Variants in KAZN observed in about 807,000 individuals in gnomAD.
The protein encoded by KAZN is kazrin.
Under a neutral mutation model 87.4 loss-of-function variants are expected in KAZN, and 40 were observed. The ratio of observed to expected loss-of-function variants is 0.46; its 90% CI spans 0.36 to 0.60. The LOEUF (loss-of-function observed/expected upper bound fraction) is 0.60. KAZN is among the 20% of genes least tolerant of loss of function. The probability of loss-of-function intolerance (pLI) is 0.00; values close to 1 mark genes in which losing one functional copy is unlikely to be tolerated. For synonymous variants in KAZN, 466 were observed against 458.3 expected, an observed-to-expected ratio of 1.02 and a Z score of -0.22; for missense variants, 898 against 1,073.9, an observed-to-expected ratio of 0.84 and a Z score of 2.29.
intron 1 of KAZN, among the ~76,000 whole-genome samples, chr1:13,951,970 A>G (rs1195480584): frequency 6.6e-6 from 1 of 152,192 alleles, no homozygotes; most frequent in African/African-American, 2.4e-5. Flanking sequence ...ACAGTTTCCC[A>G]GGGAAATCTT....
At chr1:14,707,705 G>A (rs139137563) in intron 1 of KAZN, among the ~76,000 whole-genome samples, 167 of 152,226 alleles carry the variant, frequency 1.1e-3, no homozygotes, top group African/African-American at 3.8e-3. Flanking sequence ...TTTGTTTGTC[G>A]TGTCAGTCAT....
intron 2 of KAZN, among the ~76,000 whole-genome samples, chr1:14,422,108 C>A (rs1030990617): frequency 2.0e-5 from 3 of 152,204 alleles, no homozygotes; most frequent in African/African-American, 7.2e-5. Flanking sequence ...GGAGCCTGGT[C>A]AGCCAATGTG....
chr1:14,314,423 C>T (rs1279097822), intron 2 of KAZN, among the ~76,000 whole-genome samples: 3 of 152,176 alleles, frequency 2.0e-5, no homozygotes, highest in Non-Finnish European at 4.4e-5. Flanking sequence ...TCATTGACCT[C>T]ATTGTCTACC....
At chr1:15,108,957 C>G (rs558148835) in intron 13 of KAZN, among the ~76,000 whole-genome samples, 1 of 152,268 alleles carries the variant, frequency 6.6e-6, no homozygotes, top group East Asian at 1.9e-4. Context: ...TATCCAAAGG[C>G]CTAGATGGGG....
chr1:14,711,341 CAA>C (rs544767393), intron 1 of KAZN, among the ~76,000 whole-genome samples: 10 of 114,738 alleles, frequency 8.7e-5, no homozygotes, highest in African/African-American at 9.4e-5. Context: ...ACTCTGTTTC[CAA>C]AAAAAAAAAA....
chr1:14,865,479 C>A (rs1651344497), intron 1 of KAZN, among the ~76,000 whole-genome samples: 1 of 152,158 alleles, frequency 6.6e-6, no homozygotes, highest in Non-Finnish European at 1.5e-5. Context: ...CCATGTCTGC[C>A]ATCTGCTGCT....
At chr1:14,703,446 ATTCT>A (rs1642037531) in intron 1 of KAZN, among the ~76,000 whole-genome samples, 1 of 152,196 alleles carries the variant, frequency 6.6e-6, no homozygotes, top group Admixed American at 6.5e-5. Context: ...GTGGGCAGTC[ATTCT>A]TCTTCTCCCT....
At chr1:14,416,640 G>A (rs1269016337) in intron 2 of KAZN, among the ~76,000 whole-genome samples, 1 of 152,106 alleles carries the variant, frequency 6.6e-6, no homozygotes, top group African/African-American at 2.4e-5. Flanking sequence ...AGGAGCCTAA[G>A]GCAGGAGAAT....
rs567351445 is a variant in KAZN at position 14,306,291 on chromosome 1, T to C, written c.249+125699T>C. On this transcript the variant is annotated intron_variant, in intron 2 of 16. Transcript: ENST00000636203. ...CTGATGTGCTCTCTGAAAGGGTATTTGGTAAAGGCCAATGTATTGGGGTTG... is the reference window on the plus strand; with the variant it reads ...CTGATGTGCTCTCTGAAAGGGTATTCGGTAAAGGCCAATGTATTGGGGTTG... Among the ~76,000 whole-genome samples, 6 of 152,326 alleles carry C rather than the reference T, an allele frequency of 3.9e-5. No homozygotes were observed. The South Asian group carries it at 1.2e-3, about 32-fold the overall frequency.
intron 1 of KAZN, among the ~76,000 whole-genome samples, chr1:13,912,769 A>G (rs1043181974): frequency 1.3e-4 from 19 of 151,960 alleles, no homozygotes; most frequent in African/African-American, 4.4e-4. Context: ...ACACCTGGCT[A>G]ATTTTTTGCA....
intron 2 of KAZN, among the ~76,000 whole-genome samples, chr1:14,199,342 G>T (rs1357963733): frequency 6.6e-6 from 1 of 152,148 alleles, no homozygotes; most frequent in African/African-American, 2.4e-5. Flanking sequence ...ACATGTTTCT[G>T]TGAGTAGACG....
At chr1:14,881,418 G>A (rs369139600) in intron 1 of KAZN, among the ~76,000 whole-genome samples, 3 of 152,208 alleles carry the variant, frequency 2.0e-5, no homozygotes, top group Non-Finnish European at 4.4e-5. Context: ...GGCTACTAAG[G>A]CACAAGAAGG....
At chr1:13,899,992 T>C (rs77942298) in intron 1 of KAZN, among the ~76,000 whole-genome samples, 4,788 of 152,264 alleles carry the variant, frequency 0.031, 270 homozygotes, top group African/African-American at 0.11. Context: ...AGTAAGATAT[T>C]GACGCATCTG....
chr1:14,109,106 C>T (rs544659217), intron 1 of KAZN, among the ~76,000 whole-genome samples: 1 of 152,146 alleles, frequency 6.6e-6, no homozygotes, highest in Non-Finnish European at 1.5e-5. Context: ...AGGAAAGACA[C>T]CGCATGACAG....
At chr1:13,932,743 A>G (rs567904854) in intron 1 of KAZN, among the ~76,000 whole-genome samples, 1 of 152,338 alleles carries the variant, frequency 6.6e-6, no homozygotes, top group Non-Finnish European at 1.5e-5. Context: ...CTCACAATCA[A>G]TCACTAGCAA....
chr1:14,362,358 C>G (rs1017273485), intron 2 of KAZN, among the ~76,000 whole-genome samples: 35 of 152,236 alleles, frequency 2.3e-4, no homozygotes, highest in African/African-American at 8.0e-4. Flanking sequence ...AAGCAACTCA[C>G]AGTGTGGCAA....
chr1:15,074,186 G>A (rs896391649), intron 8 of KAZN, among the ~76,000 whole-genome samples: 2 of 152,270 alleles, frequency 1.3e-5, no homozygotes, highest in Admixed American at 6.5e-5. Context: ...GTCCCTGGAT[G>A]TGCCTCAGAA....
chr1:14,939,990 G>C (rs759604145), intron 1 of KAZN, among the ~76,000 whole-genome samples: 3 of 152,156 alleles, frequency 2.0e-5, no homozygotes, highest in Non-Finnish European at 4.4e-5. Flanking sequence ...CCCAGGGAGG[G>C]GTCTGCCTCC....
chr1:14,702,206 A>G (rs1572261726), intron 1 of KAZN, among the ~76,000 whole-genome samples: 1 of 152,280 alleles, frequency 6.6e-6, no homozygotes, highest in Admixed American at 6.5e-5. Flanking sequence ...TGTTTTGAAA[A>G]GGCCCCATGG....
Sources: allele counts gnomAD v4.1 joint callset (sites outside exome capture counted in the v4.1 genomes callset), GRCh38; gene constraint gnomAD v4.1.1; transcripts MANE v1.5; gene names NCBI Gene and HGNC (gene_info 2026-07-23, HGNC 2026-07-21).